Variants in ZNF470 observed in about 807,000 individuals in gnomAD.
ZNF470 encodes the protein zinc finger protein 470.
A neutral mutation model predicts 13.9 loss-of-function variants in ZNF470; 13 were observed. The observed-to-expected ratio is 0.94, with a 90% CI of 0.61 to 1.49. ZNF470 has a LOEUF of 1.49. ZNF470 is among the 40% of genes most tolerant of loss of function. The probability of loss-of-function intolerance (pLI) is 0.00; values close to 1 mark genes in which losing one functional copy is unlikely to be tolerated. For missense variants in ZNF470, 929 were observed against 857.3 expected, an observed-to-expected ratio of 1.08 and a Z score of -1.04; for synonymous variants, 293 against 282.9, an observed-to-expected ratio of 1.04 and a Z score of -0.36.
In ZNF470 at chr19:56,581,534, T is replaced by TA. The variant is rs2044536164; in HGVS notation, c.*2952dup. ...AGGGTAATAAATAAATTAATTATGGTATATATCCATTCAATAGGAATTATG... is the reference window on the plus strand; with the variant it reads ...AGGGTAATAAATAAATTAATTATGGTAATATATCCATTCAATAGGAATTATG... On this transcript the variant is annotated 3_prime_UTR_variant, in exon 6 of 6. Coordinates refer to ENST00000330619, the MANE Select transcript of ZNF470 (RefSeq NM_001001668.4). The TA allele has an allele frequency of 1.3e-6, 1 of 786,480 alleles. No individual in the cohort carries two copies. Among genetic ancestry groups the TA allele is most frequent in the South Asian group, 5.8e-5 (1 of 17,112 alleles). The allele number at this position is 786,480 out of a possible 1,614,324, so 48.7% of individuals were successfully genotyped here.
intron 3 of ZNF470, among the ~76,000 whole-genome samples, chr19:56,573,047 AAACAG>A (rs2044466311): frequency 1.3e-5 from 2 of 152,366 alleles, no homozygotes; most frequent in South Asian, 4.1e-4. Context: ...TAGCTTAACT[AAACAG>A]AACAGTATTT....
rs1318438515 is a variant in ZNF470, at chr19:56,579,272, A to G, written c.*689A>G. On this transcript the variant is annotated 3_prime_UTR_variant, in exon 6 of 6. Transcript: ENST00000330619. ...CCCTGTCTCTACAAAAAATACAGAA[A>G]TTAGCCAGGCGTGGTGGTGCACACC... 1.4e-5 allele frequency: 9 copies of G among 644,342 alleles called. No homozygotes were observed. Among genetic ancestry groups the G allele is most frequent in the Non-Finnish European group, 1.3e-5 (7 of 518,914 alleles). The allele number at this position is 644,342 out of a possible 1,614,324, so 39.9% of individuals were successfully genotyped here.
rs902574987 is a variant in ZNF470, at chr19:56,567,806, T to C, written c.-391T>C. On this transcript the variant is annotated 5_prime_UTR_variant, in exon 1 of 6. The change abolishes the stop of an existing upstream ORF in the 5' untranslated region. Coordinates refer to ENST00000330619, the MANE Select transcript of ZNF470 (RefSeq NM_001001668.4). ...GTGTGTTGGAATGAGTGAAGCACTT[T>C]AAGTGGCCAAGAGCAGGAAACCCGG... 1.1e-4 allele frequency: 104 copies of C among 986,572 alleles called. 1 individual carries two copies. The highest frequency in any genetic ancestry group is 1.2e-4 in the Non-Finnish European group (101 of 830,998). 61.1% of individuals were successfully genotyped at this position (986,572 alleles called of 1,614,324 possible).
intron 2 of ZNF470, among the ~76,000 whole-genome samples, chr19:56,569,579 T>C (rs1377252691): frequency 6.6e-6 from 1 of 152,200 alleles, no homozygotes; most frequent in Non-Finnish European, 1.5e-5. Context: ...CCCAGAGCTT[T>C]CTTGTGTAAA....
In ZNF470 at chr19:56,576,805, A is replaced by T. The variant is rs777758045; in HGVS notation, c.376A>T (p.Lys126Ter). ...CCCGGCAATCATAATGGAAAGACTT[A>T]AAAGCTATGACCTTGAATGTTCAAC... ...LPPAIIMERLKSYDLECSTLG... is the reference protein window; with the variant it reads ...LPPAIIMERL Residue 126 changes from lysine to a stop codon, truncating the protein, a stop_gained, in exon 6 of 6, where the codon AAA becomes TAA. Coordinates refer to ENST00000330619, the MANE Select transcript of ZNF470 (RefSeq NM_001001668.4). LOFTEE classifies it low-confidence loss of function (END_TRUNC). The T allele has an allele frequency of 1.2e-5, 19 of 1,574,292 alleles. No homozygotes were observed. The highest frequency in any genetic ancestry group is 1.6e-5 in the Non-Finnish European group (19 of 1,167,106).
chr19:56,579,560 T>C lies in ZNF470; in HGVS notation c.*977T>C, dbSNP rs80177484. ...CACTGAAAAGGGTAGTTCAATACTT[T>C]GGCCTTTATAAAAGTACCACAGACA... On this transcript the variant is annotated 3_prime_UTR_variant, in exon 6 of 6. Transcript: ENST00000330619. 4.4e-3 allele frequency: 4,299 copies of C among 985,410 alleles called. 138 individuals carry two copies. The African/African-American group carries it at 0.068, about 16-fold the overall frequency. The allele number at this position is 985,410 out of a possible 1,614,324, so 61.0% of individuals were successfully genotyped here. A position where few individuals can be genotyped will look rare whatever the true frequency, so the allele number is the denominator to read the frequency against.
Position 56,579,829 on chromosome 19 carries a change from C to T in ZNF470, c.*1246C>T, listed in dbSNP as rs1278588136. The T allele has an allele frequency of 6.1e-6, 5 of 818,588 alleles. No individual in the cohort carries two copies. Among genetic ancestry groups the T allele is most frequent in the Non-Finnish European group, 7.4e-6 (5 of 678,384 alleles). 50.7% of individuals were successfully genotyped at this position (818,588 alleles called of 1,614,324 possible). On this transcript the variant is annotated 3_prime_UTR_variant, in exon 6 of 6. Coordinates refer to ENST00000330619, the MANE Select transcript of ZNF470 (RefSeq NM_001001668.4). ...CCTAAATTGTAAATTCATTGATATT[C>T]CAGTAAAAATTTCCATATTTTTTTA... is the stretch of plus-strand genomic sequence containing the variant.
intron 5 of ZNF470, among the ~76,000 whole-genome samples, 196 bp downstream of exon 5, chr19:56,574,929 G>A (rs939001369): frequency 3.3e-5 from 5 of 152,032 alleles, no homozygotes; most frequent in African/African-American, 1.2e-4. Context: ...GCATACCAGG[G>A]TCTATTTCTG....
At chr19:56,573,953 A>G in intron 3 of ZNF470, 4 of 985,108 alleles carry the variant, frequency 4.1e-6, no homozygotes, top group Non-Finnish European at 4.8e-6. Context: ...TTTCTTAGAA[A>G]ATATTGTGGA....
Position 56,578,353 on chromosome 19 carries a change from A to T in ZNF470, c.1924A>T (p.Ile642Phe). 6.2e-7 allele frequency: 1 copy of T among 1,612,414 alleles called. No individual in the cohort carries two copies. The highest frequency in any genetic ancestry group is 1.3e-5 in the African/African-American group (1 of 74,956). Residue 642 changes from isoleucine to phenylalanine, a missense_variant, in exon 6 of 6, where the codon ATT becomes TTT. Physicochemically the swap from Ile to Phe is conservative, Grantham distance 21 (BLOSUM62 0). Transcript: ENST00000330619. ...TAAATCCCTTACTCTGCATCAGAGAATTCATACAGGAGAGAAACCTTATGA... is the reference window on the plus strand; with the variant it reads ...TAAATCCCTTACTCTGCATCAGAGATTTCATACAGGAGAGAAACCTTATGA... ...HRKSLTLHQR[I>F]HTGEKPYECK... is the part of the protein sequence containing the mutation.
rs1430526462 is a variant in ZNF470, at chr19:56,578,263, C to G, written c.1834C>G (p.Gln612Glu). ...GCAGAGGGCATCCTTGATTTGTCATCAGAGATGTCATACTGGTGAGAAACC... is the reference window on the plus strand; with the variant it reads ...GCAGAGGGCATCCTTGATTTGTCATGAGAGATGTCATACTGGTGAGAAACC... ...FRQRASLICH[Q>E]RCHTGEKPYE... Residue 612 changes from glutamine to glutamate, a missense_variant, in exon 6 of 6, where the codon CAG becomes GAG. Gln to Glu is a conservative substitution (Grantham distance 29). Coordinates refer to ENST00000330619, the MANE Select transcript of ZNF470 (RefSeq NM_001001668.4). The G allele has an allele frequency of 3.1e-6, 5 of 1,613,612 alleles. No individual in the cohort carries two copies. The South Asian group carries it at 3.3e-5, about 11-fold the overall frequency.
In ZNF470 at chr19:56,581,491, AAAC is replaced by A. The variant is rs1216024088; in HGVS notation, c.*2914_*2916del. On this transcript the variant is annotated 3_prime_UTR_variant, in exon 6 of 6. Coordinates refer to ENST00000330619, the MANE Select transcript of ZNF470 (RefSeq NM_001001668.4). Reference sequence around the variant, plus strand: ...CAAAAAAATTAATGGTAAACTATTAAAACAACAAGTGTCCATCAGGGTAATAAA... The same window carrying A: ...CAAAAAAATTAATGGTAAACTATTAAAACAAGTGTCCATCAGGGTAATAAA... 3.3e-6 allele frequency: 3 copies of A among 896,718 alleles called. No homozygotes were observed. Among genetic ancestry groups the A allele is most frequent in the Non-Finnish European group, 4.0e-6 (3 of 749,330 alleles). 55.5% of individuals were successfully genotyped at this position (896,718 alleles called of 1,614,324 possible).
chr19:56,574,730 C>T lies in ZNF470; in HGVS notation c.280C>T (p.Pro94Ser). ...IKGGMNRGLC[P>S]DLECVWVTKS... ...AGGAGGGATGAACAGAGGCCTGTGC[C>T]CAGGTAAGTGGAGGATACCTAGAGA... Residue 94 changes from proline to serine, a missense_variant, in exon 5 of 6, where the codon CCA (proline) becomes TCA (serine). By Grantham distance (74) the Pro-to-Ser change is moderately conservative. Transcript: ENST00000330619. 1 of 1,612,974 alleles carries T rather than the reference C, an allele frequency of 6.2e-7. No homozygotes were observed.
At position 56,581,604 on chromosome 19, in the gene ZNF470, C is replaced by T. The variant is rs2044536619; in HGVS notation, c.*3021C>T. 1 of 831,604 alleles carries T rather than the reference C, an allele frequency of 1.2e-6. No individual in the cohort carries two copies. The highest frequency in any genetic ancestry group is 1.4e-6 in the Non-Finnish European group (1 of 689,932). The allele number at this position is 831,604 out of a possible 1,614,324, so 51.5% of individuals were successfully genotyped here. A position where few individuals can be genotyped will look rare whatever the true frequency, so the allele number is the denominator to read the frequency against. Reference sequence around the variant, plus strand: ...AATGTGTGTAGTCATAGAAAGATAGCTGTGCTATACTAAATGAAAAATTGC... The same window carrying T: ...AATGTGTGTAGTCATAGAAAGATAGTTGTGCTATACTAAATGAAAAATTGC... On this transcript the variant is annotated 3_prime_UTR_variant, in exon 6 of 6. Coordinates refer to ENST00000330619, the MANE Select transcript of ZNF470 (RefSeq NM_001001668.4).
rs1470993678 is a variant in ZNF470 at position 56,582,600 on chromosome 19, T to TC, written c.*4017_*4018insC. 1.0e-6 allele frequency: 1 copy of TC among 983,516 alleles called. No homozygotes were observed. Among genetic ancestry groups the TC allele is most frequent in the African/African-American group, 1.7e-5 (1 of 57,220 alleles). 60.9% of individuals were successfully genotyped at this position (983,516 alleles called of 1,614,324 possible). Reference sequence around the variant, plus strand: ...CCACCAAATTTACTTGTTGAAGTCCTAAACCCCAACATGACTGTATTTGGA... The same window carrying TC: ...CCACCAAATTTACTTGTTGAAGTCCTCAAACCCCAACATGACTGTATTTGGA... On this transcript the variant is annotated 3_prime_UTR_variant, in exon 6 of 6. Coordinates refer to ENST00000330619, the MANE Select transcript of ZNF470 (RefSeq NM_001001668.4).
Position 56,578,586 on chromosome 19 carries a change from T to C in ZNF470, c.*3T>C. On this transcript the variant is annotated 3_prime_UTR_variant, in exon 6 of 6. Transcript: ENST00000330619. ...TCCCATACCACCAAGTCCTATAGAT[T>C]CAATCTCGTAAATGCTTCTAGCATC... is the stretch of plus-strand genomic sequence containing the variant. 6.6e-7 allele frequency: 1 copy of C among 1,510,582 alleles called. No individual in the cohort carries two copies. The highest frequency in any genetic ancestry group is 1.4e-5 in the South Asian group (1 of 72,780). 93.6% of individuals were successfully genotyped at this position (1,510,582 alleles called of 1,614,324 possible).
intron 3 of ZNF470, among the ~76,000 whole-genome samples, chr19:56,572,586 C>T (rs2147982346): frequency 6.7e-6 from 1 of 149,156 alleles, no homozygotes; most frequent in Admixed American, 6.7e-5. Flanking sequence ...GGGAAAAAGC[C>T]CCAGATTTGA....
chr19:56,578,930 C>G lies in ZNF470; in HGVS notation c.*347C>G, dbSNP rs895306388. ...CTATCATATTAAGCAGCAAGTAAAC[C>G]AAACAGTAAGTCTAAGACTAAGATT... On this transcript the variant is annotated 3_prime_UTR_variant, in exon 6 of 6. Coordinates refer to ENST00000330619, the MANE Select transcript of ZNF470 (RefSeq NM_001001668.4). The G allele has an allele frequency of 2.0e-6, 2 of 1,016,884 alleles. No homozygotes were observed. The highest frequency in any genetic ancestry group is 2.3e-6 in the Non-Finnish European group (2 of 851,170). 63.0% of individuals were successfully genotyped at this position (1,016,884 alleles called of 1,614,324 possible).
chr19:56,576,231 C>T (rs2044487474), intron 5 of ZNF470, among the ~76,000 whole-genome samples: 1 of 151,896 alleles, frequency 6.6e-6, no homozygotes, highest in African/African-American at 2.4e-5. Context: ...GGAGATACAA[C>T]ATTTAAACAA....
Sources: gnomAD v4.1 joint callset for allele counts (sites outside exome capture counted in the v4.1 genomes callset) on GRCh38, gnomAD v4.1.1 for gene constraint, MANE v1.5 for transcripts, NCBI Gene and HGNC (gene_info 2026-07-23, HGNC 2026-07-21) for gene names.